KCNG3: variants seen among roughly 807,000 people sequenced by gnomAD.
The protein encoded by KCNG3 is potassium voltage-gated channel modifier subfamily G member 3.
KCNG3 carries 15 observed loss-of-function variants against 29.0 expected under a neutral mutation model. The ratio of observed to expected loss-of-function variants is 0.52; its 90% confidence interval spans 0.35 to 0.80. The LOEUF (loss-of-function observed/expected upper bound fraction) is 0.80. Among genes scored for constraint, KCNG3 ranks in the 30% least tolerant of loss-of-function variants. The probability of loss-of-function intolerance (pLI) is 0.01; values close to 1 mark genes in which losing one functional copy is unlikely to be tolerated. For missense variants in KCNG3, 512 were observed against 605.7 expected, an observed-to-expected ratio of 0.85 and a Z score of 1.62; for synonymous variants, 322 against 248.9, an observed-to-expected ratio of 1.29 and a Z score of -2.76.
chr2:42,445,556 C>G (rs1290470242), intron 1 of KCNG3, among the ~76,000 whole-genome samples: 1 of 152,240 alleles, frequency 6.6e-6, no homozygotes, highest in South Asian at 2.1e-4. Context: ...GCAAAATGGC[C>G]GCTAGGATTT....
At chr2:42,481,659 T>A (rs1238071882) in intron 1 of KCNG3, among the ~76,000 whole-genome samples, 1 of 152,140 alleles carries the variant, frequency 6.6e-6, no homozygotes, top group Admixed American at 6.5e-5. Flanking sequence ...GGGCTACACG[T>A]CCCCTGCCTT....
At chr2:42,492,545 G>C (rs188647915) in intron 1 of KCNG3, among the ~76,000 whole-genome samples, 1 of 152,242 alleles carries the variant, frequency 6.6e-6, no homozygotes, top group Admixed American at 6.5e-5. Context: ...CTGCGCAAAA[G>C]TAAACTACAA....
chr2:42,431,607 C>T, the KCNG3 span, among the ~76,000 whole-genome samples: 3 of 152,174 alleles, frequency 2.0e-5, no homozygotes, highest in Admixed American at 1.3e-4. Flanking sequence ...CCGGGAAACT[C>T]GCAAGTGAGC....
chr2:42,480,844 C>T (rs890876811), intron 1 of KCNG3, among the ~76,000 whole-genome samples: 4 of 150,068 alleles, frequency 2.7e-5, no homozygotes, highest in African/African-American at 4.9e-5. Flanking sequence ...AGTGCAGTGG[C>T]GTGATCTTGG....
chr2:42,456,425 A>C (rs1672874810), intron 1 of KCNG3, among the ~76,000 whole-genome samples: 1 of 152,162 alleles, frequency 6.6e-6, no homozygotes, highest in African/African-American at 2.4e-5. Context: ...GTTACTGAGG[A>C]GGCTGAGGAG....
intron 1 of KCNG3, among the ~76,000 whole-genome samples, chr2:42,465,069 G>GGT (rs1558381293): frequency 6.6e-6 from 1 of 151,958 alleles, no homozygotes; most frequent in African/African-American, 2.4e-5. Flanking sequence ...TGATATATTT[G>GGT]GTGTGTTGAT....
At chr2:42,467,663 G>C (rs951004469) in intron 1 of KCNG3, among the ~76,000 whole-genome samples, 2 of 137,458 alleles carry the variant, frequency 1.5e-5, no homozygotes, top group South Asian at 2.3e-4. Context: ...GTGAGACTCT[G>C]TTTCAAAAAA....
At chr2:42,479,954 G>C (rs768521656) in intron 1 of KCNG3, among the ~76,000 whole-genome samples, 12 of 152,206 alleles carry the variant, frequency 7.9e-5, no homozygotes, top group Non-Finnish European at 1.8e-4. Context: ...GGAGGTTGCA[G>C]TGAGCTGAGA....
At chr2:42,397,622 C>G in the KCNG3 span, among the ~76,000 whole-genome samples, 1 of 152,174 alleles carries the variant, frequency 6.6e-6, no homozygotes, top group Admixed American at 6.5e-5. Flanking sequence ...TGACACACAT[C>G]TTATGTTCAA....
chr2:42,399,019 T>A, the KCNG3 span, among the ~76,000 whole-genome samples: 1 of 151,922 alleles, frequency 6.6e-6, no homozygotes, highest in South Asian at 2.1e-4. Flanking sequence ...TTTTTAATAT[T>A]GGGTTGTTCT....
chr2:42,396,836 T>G, the KCNG3 span, among the ~76,000 whole-genome samples: 1 of 152,180 alleles, frequency 6.6e-6, no homozygotes, highest in African/African-American at 2.4e-5. Context: ...CTAAAAATTA[T>G]GTTTACACAA....
chr2:42,431,901 T>C, the KCNG3 span, among the ~76,000 whole-genome samples: 1 of 151,934 alleles, frequency 6.6e-6, no homozygotes, highest in Non-Finnish European at 1.5e-5. Context: ...GAGCCAGGCA[T>C]GGTGGTGCAT....
the KCNG3 span, among the ~76,000 whole-genome samples, chr2:42,419,975 C>A: frequency 6.6e-6 from 1 of 152,328 alleles, no homozygotes; most frequent in Admixed American, 6.5e-5. Flanking sequence ...GTAATCCCAG[C>A]ACTTTGGGAG....
At chr2:42,472,136 G>A (rs1167530664) in intron 1 of KCNG3, among the ~76,000 whole-genome samples, 1 of 152,052 alleles carries the variant, frequency 6.6e-6, no homozygotes, top group Non-Finnish European at 1.5e-5. Context: ...CATTAAAGAA[G>A]GTCTCCTACA....
chr2:42,476,721 C>A (rs150587687), intron 1 of KCNG3, among the ~76,000 whole-genome samples: 28,220 of 150,694 alleles, frequency 0.19, 3,593 homozygotes, highest in East Asian at 0.56. Flanking sequence ...AACTCCTGGC[C>A]TCAAGTGATC....
the KCNG3 span, among the ~76,000 whole-genome samples, chr2:42,429,942 A>G: frequency 2.0e-5 from 3 of 152,210 alleles, no homozygotes. Flanking sequence ...GTGTCCTTAC[A>G]ATAATCACCC....
chr2:42,473,360 T>C (rs1289222516), intron 1 of KCNG3, among the ~76,000 whole-genome samples: 2 of 151,846 alleles, frequency 1.3e-5, no homozygotes, highest in Non-Finnish European at 2.9e-5. Flanking sequence ...TTTTTTTTGT[T>C]TGTTTTTTTG....
chr2:42,392,516 G>A, the KCNG3 span, among the ~76,000 whole-genome samples: 1 of 152,124 alleles, frequency 6.6e-6, no homozygotes, highest in Non-Finnish European at 1.5e-5. Context: ...CCAGGGTTCA[G>A]TCTAGGTCCT....
At chr2:42,425,206 C>A in the KCNG3 span, 1 of 150,626 alleles carries the variant, frequency 6.6e-6, no homozygotes, top group Non-Finnish European at 1.5e-5. Flanking sequence ...TCAGCCAGCC[C>A]GGCCAGCATG....
Sources: allele counts gnomAD v4.1 joint callset (sites outside exome capture counted in the v4.1 genomes callset), GRCh38; gene constraint gnomAD v4.1.1; transcripts MANE v1.5; gene names NCBI Gene and HGNC (gene_info 2026-07-23, HGNC 2026-07-21).